Variants in STRN3 observed in about 807,000 individuals in gnomAD.
STRN3 encodes the protein striatin 3.
Under a neutral mutation model 95.6 loss-of-function variants are expected in STRN3, and 29 were observed. The observed-to-expected ratio is 0.30, with a 90% CI of 0.23 to 0.41. The LOEUF (loss-of-function observed/expected upper bound fraction) is 0.41. Among genes scored for constraint, STRN3 ranks in the 10% least tolerant of loss-of-function variants. STRN3 has a pLI of 1.00. For synonymous variants in STRN3, 331 were observed against 357.6 expected, an observed-to-expected ratio of 0.93 and a Z score of 0.84; for missense variants, 890 against 972.1, an observed-to-expected ratio of 0.92 and a Z score of 1.12.
At position 30,906,992 on chromosome 14, in the gene STRN3, A is replaced by G; in HGVS notation, c.1773T>C (p.Gly591=). 1 of 1,613,890 alleles carries G rather than the reference A, an allele frequency of 6.2e-7. No individual in the cohort carries two copies. The highest frequency in any genetic ancestry group is 8.5e-7 in the Non-Finnish European group (1 of 1,179,886). Residue 591 remains glycine (G), a synonymous_variant, in exon 14 of 18, where the codon GGT becomes GGC. Coordinates refer to ENST00000357479, the MANE Select transcript of STRN3 (RefSeq NM_001083893.2). ...TLVGHTDAVW[G]LAYSGIKNQL... is the part of the protein sequence containing the mutation. ...GATTTTTTATGCCACTATAAGCAAGACCCCAAACTGCATCTGTATGACCAA... is the reference window on the plus strand; with the variant it reads ...GATTTTTTATGCCACTATAAGCAAGGCCCCAAACTGCATCTGTATGACCAA...
chr14:30,936,965 A>G (rs944652080), intron 5 of STRN3, among the ~76,000 whole-genome samples: 4 of 152,340 alleles, frequency 2.6e-5, no homozygotes, highest in Non-Finnish European at 5.9e-5. Flanking sequence ...GGCCTTTCTT[A>G]TAACTACAAC....
intron 5 of STRN3, among the ~76,000 whole-genome samples, chr14:30,944,553 G>A (rs1046898774): frequency 1.5e-5 from 1 of 65,872 alleles, no homozygotes; most frequent in African/African-American, 5.0e-5. Flanking sequence ...ATATATACAC[G>A]TATATATATA....
At chr14:30,948,123 A>C (rs2139117449) in intron 4 of STRN3, among the ~76,000 whole-genome samples, 1 of 152,356 alleles carries the variant, frequency 6.6e-6, no homozygotes, top group South Asian at 2.1e-4. Flanking sequence ...TGGAAGTAGA[A>C]TGAATAAACA....
intron 1 of STRN3, among the ~76,000 whole-genome samples, chr14:30,985,175 C>T (rs1239187884): frequency 2.0e-5 from 3 of 149,614 alleles, no homozygotes; most frequent in Admixed American, 1.3e-4. Context: ...AAAATTACAG[C>T]CGGGTGCCTG....
At chr14:31,010,833 G>A (rs1882937265) in intron 1 of STRN3, among the ~76,000 whole-genome samples, 1 of 152,226 alleles carries the variant, frequency 6.6e-6, no homozygotes, top group Non-Finnish European at 1.5e-5. Context: ...GAGGTCAGGA[G>A]TTCGAGACCA....
intron 5 of STRN3, among the ~76,000 whole-genome samples, chr14:30,944,325 G>C (rs570564180): frequency 6.6e-6 from 1 of 151,696 alleles, no homozygotes; most frequent in Non-Finnish European, 1.5e-5. Context: ...TATGCTTCCT[G>C]AAATCACAGT....
intron 1 of STRN3, among the ~76,000 whole-genome samples, chr14:30,985,726 T>A (rs1014553359): frequency 1.3e-5 from 2 of 152,176 alleles, no homozygotes; most frequent in African/African-American, 2.4e-5. Context: ...ATGATCCATG[T>A]TTGACTTATG....
chr14:30,896,611 G>A (rs1033750011), intron 16 of STRN3, among the ~76,000 whole-genome samples: 2 of 151,832 alleles, frequency 1.3e-5, no homozygotes, highest in African/African-American at 4.8e-5. Flanking sequence ...GGAAGGAAAA[G>A]TGTCAGTGAA....
At position 30,895,252 on chromosome 14, in the gene STRN3, T is replaced by C. The variant is rs1417529746; in HGVS notation, c.*159A>G. 4 of 732,146 alleles carry C rather than the reference T, an allele frequency of 5.5e-6. No individual in the cohort carries two copies. The highest frequency in any genetic ancestry group is 6.4e-6 in the Non-Finnish European group (3 of 466,652). The allele number at this position is 732,146 out of a possible 1,614,324, so 45.4% of individuals were successfully genotyped here. On this transcript the variant is annotated 3_prime_UTR_variant, in exon 18 of 18. Coordinates refer to ENST00000357479, the MANE Select transcript of STRN3 (RefSeq NM_001083893.2). ...AGTAATTACAGTTAACTTAATGAGC[T>C]TGACATTAAGATGTGATTTCCACCA...
At chr14:30,928,033 G>C (rs1199942366) in intron 8 of STRN3, among the ~76,000 whole-genome samples, 2 of 151,276 alleles carry the variant, frequency 1.3e-5, no homozygotes, top group African/African-American at 4.9e-5. Context: ...TACTCAGCAT[G>C]CTTGCATTAT....
intron 1 of STRN3, among the ~76,000 whole-genome samples, chr14:30,982,196 T>C (rs1401403740): frequency 6.6e-6 from 1 of 151,750 alleles, no homozygotes; most frequent in Non-Finnish European, 1.5e-5. Flanking sequence ...CTTCTACTTA[T>C]AATAGATCCT....
chr14:31,012,808 C>T (rs1230235585), intron 1 of STRN3, among the ~76,000 whole-genome samples: 3 of 151,222 alleles, frequency 2.0e-5, no homozygotes, highest in African/African-American at 7.3e-5. Context: ...GCAGAAGAAT[C>T]ACTTGAAACC....
At position 31,022,500 on chromosome 14, in the gene STRN3, C is replaced by A. The variant is rs190439358; in HGVS notation, c.282+3404G>T. On this transcript the variant is annotated intron_variant, in intron 1 of 17. Coordinates refer to ENST00000357479, the MANE Select transcript of STRN3 (RefSeq NM_001083893.2). ...ATACCCAAAATCCACTTACTACATA[C>A]AAACTATAAAGAAAAATATAAGGAC... Among the ~76,000 whole-genome samples, 18 of 151,766 alleles carry A rather than the reference C, an allele frequency of 1.2e-4. 1 individual carries two copies. The highest frequency in any genetic ancestry group is 1.1e-3 in the Admixed American group (17 of 15,218).
intron 1 of STRN3, among the ~76,000 whole-genome samples, chr14:31,015,317 T>C (rs1883189750): frequency 6.6e-6 from 1 of 152,184 alleles, no homozygotes; most frequent in Non-Finnish European, 1.5e-5. Flanking sequence ...CTTTGCTTTA[T>C]ACACATAAGC....
At chr14:31,025,613 G>A (rs1883799321) in intron 1 of STRN3, 1 of 486,210 alleles carries the variant, frequency 2.1e-6, no homozygotes, top group East Asian at 4.1e-5. Context: ...GGAGGCCCGG[G>A]AAGGCCGCCT....
rs1361986854 is a variant in STRN3, at chr14:30,964,109, AG to A, written c.283-7868del. On this transcript the variant is annotated intron_variant, in intron 1 of 17. Transcript: ENST00000357479. ...TCTCGTAAAAATACAAAAATTAGGCAGGTGTGGTGGTGCGCATCTGTAGTCT... is the reference window on the plus strand; with the variant it reads ...TCTCGTAAAAATACAAAAATTAGGCAGTGTGGTGGTGCGCATCTGTAGTCT... 4.6e-5 allele frequency among the ~76,000 whole-genome samples: 7 copies of A among 152,194 alleles called. No homozygotes were observed. In the East Asian group the frequency reaches 1.4e-3, roughly 29 times the overall value.
intron 9 of STRN3, among the ~76,000 whole-genome samples, chr14:30,915,191 T>C (rs1185255643): frequency 6.6e-6 from 1 of 152,154 alleles, no homozygotes; most frequent in East Asian, 1.9e-4. Context: ...GATATAAATA[T>C]GCTACAGGAA....
At chr14:30,949,559 T>C (rs1879538049) in intron 4 of STRN3, among the ~76,000 whole-genome samples, 1 of 151,918 alleles carries the variant, frequency 6.6e-6, no homozygotes, top group African/African-American at 2.4e-5. Context: ...TGCAGTGAGC[T>C]GAGATGGCGC....
At chr14:31,004,280 C>T (rs1423864840) in intron 1 of STRN3, among the ~76,000 whole-genome samples, 2 of 150,838 alleles carry the variant, frequency 1.3e-5, no homozygotes, top group Non-Finnish European at 3.0e-5. Context: ...CAACAGGGTG[C>T]AACCCTGCCT....
Sources: gnomAD v4.1 joint callset for allele counts (sites outside exome capture counted in the v4.1 genomes callset) on GRCh38, gnomAD v4.1.1 for gene constraint, MANE v1.5 for transcripts, NCBI Gene and HGNC (gene_info 2026-07-23, HGNC 2026-07-21) for gene names.